The following MBD2 variants were observed in gnomAD, a reference collection of about 807,000 sequenced individuals.
MBD2 encodes methyl-CpG-binding domain protein 2.
Under a neutral mutation model 39.3 loss-of-function variants are expected in MBD2, and 9 were observed. The observed-to-expected ratio is 0.23, with a 90% CI of 0.14 to 0.40. The LOEUF (loss-of-function observed/expected upper bound fraction) is 0.40, where lower values mean the gene tolerates loss of function less well. Among genes scored for constraint, MBD2 ranks in the 10% least tolerant of loss-of-function variants. The pLI, the probability that MBD2 is intolerant of heterozygous loss-of-function variation, is 1.00. For missense variants in MBD2, 458 were observed against 532.6 expected (o/e 0.86, Z 1.38); for synonymous variants, 233 against 211.1 (o/e 1.10, Z -0.90).
chr18:54,189,223 C>CTTT (rs369129707), intron 2 of MBD2, among the ~76,000 whole-genome samples: 19 of 133,938 alleles, frequency 1.4e-4, no homozygotes, highest in Non-Finnish European at 2.5e-4. Flanking sequence ...TTTTTGTATA[C>CTTT]TTTTTTTTTT....
Position 54,164,622 on chromosome 18 carries a change from G to A in MBD2, c.1010C>T (p.Thr337Ile). 6.2e-7 allele frequency: 1 copy of A among 1,614,156 alleles called. No homozygotes were observed. Among genetic ancestry groups the A allele is most frequent in the Non-Finnish European group, 8.5e-7 (1 of 1,180,020 alleles). ...SALHTSSAPI[T>I]GQVSAAVEKN... ...TTCCACAGCAGCGGAGACTTGCCCT[G>A]TGATTGGCGCAGAGCTTGTGTGCAA... Residue 337 changes from threonine to isoleucine, a missense_variant, in exon 5 of 7, where the codon ACA (threonine) becomes ATA (isoleucine). Transcript: ENST00000256429.
At chr18:54,209,832 T>C (rs2086486567) in intron 1 of MBD2, among the ~76,000 whole-genome samples, 1 of 152,192 alleles carries the variant, frequency 6.6e-6, no homozygotes, top group African/African-American at 2.4e-5. Flanking sequence ...ACAAAAAGAC[T>C]GTCACCTAAG....
At chr18:54,211,065 G>A (rs998873545) in intron 1 of MBD2, among the ~76,000 whole-genome samples, 1 of 150,916 alleles carries the variant, frequency 6.6e-6, no homozygotes, top group Non-Finnish European at 1.5e-5. Flanking sequence ...TAGAGACGGG[G>A]TTTCACCGTT....
At chr18:54,207,095 T>C (rs1212856251) in intron 1 of MBD2, among the ~76,000 whole-genome samples, 1 of 152,232 alleles carries the variant, frequency 6.6e-6, no homozygotes, top group Non-Finnish European at 1.5e-5. Flanking sequence ...CTCCTCAATG[T>C]TGACAAAAAA....
intron 1 of MBD2, among the ~76,000 whole-genome samples, chr18:54,223,237 G>A (rs563120833): frequency 1.5e-4 from 23 of 152,314 alleles, no homozygotes; most frequent in African/African-American, 5.5e-4. Context: ...ATTACACTAA[G>A]GTGAAAAACC....
In MBD2 at chr18:54,198,434, G is replaced by C. The variant is rs2086381978; in HGVS notation, c.702+6564C>G. Among the ~76,000 whole-genome samples, 4 of 152,176 alleles carry C rather than the reference G, an allele frequency of 2.6e-5. No homozygotes were observed. In the South Asian group the frequency reaches 8.3e-4, roughly 32 times the overall value. ...AAGCTCTTGGAGAAATGTACACAAG[G>C]CTGGATGCTGTGGCTCACGCCTGTA... On this transcript the variant is annotated intron_variant, in intron 2 of 6. Coordinates refer to ENST00000256429, the MANE Select transcript of MBD2 (RefSeq NM_003927.5).
chr18:54,193,386 TAA>T (rs1225188400), intron 2 of MBD2, among the ~76,000 whole-genome samples: 1 of 152,210 alleles, frequency 6.6e-6, no homozygotes, highest in East Asian at 1.9e-4. Flanking sequence ...ATATCAGAAC[TAA>T]GTTTCCAACC....
intron 6 of MBD2, among the ~76,000 whole-genome samples, chr18:54,155,543 A>G (rs934976986): frequency 6.6e-6 from 1 of 152,190 alleles, no homozygotes; most frequent in African/African-American, 2.4e-5. Context: ...TAATTTTCCA[A>G]AGAAATCATA....
chr18:54,169,926 A>G (rs1448126339), intron 3 of MBD2, among the ~76,000 whole-genome samples: 1 of 152,208 alleles, frequency 6.6e-6, no homozygotes, highest in Admixed American at 6.5e-5. Context: ...GTTACCTTCC[A>G]GTATATTAGA....
chr18:54,209,895 T>C (rs2086487731), intron 1 of MBD2, among the ~76,000 whole-genome samples: 1 of 152,222 alleles, frequency 6.6e-6, no homozygotes, highest in African/African-American at 2.4e-5. Context: ...CCCTCAATAA[T>C]GGCTGCTGTA....
chr18:54,200,592 T>G (rs2144324950), intron 2 of MBD2, among the ~76,000 whole-genome samples: 1 of 152,346 alleles, frequency 6.6e-6, no homozygotes, highest in African/African-American at 2.4e-5. Context: ...CAGTCACATC[T>G]GTGAAACCCT....
At chr18:54,201,987 T>C (rs767030805) in intron 2 of MBD2, among the ~76,000 whole-genome samples, 16 of 152,182 alleles carry the variant, frequency 1.1e-4, no homozygotes, top group Non-Finnish European at 2.1e-4. Context: ...TAAATTATAA[T>C]GTAGCCTGTT....
chr18:54,177,992 A>G (rs1458276783), intron 3 of MBD2, among the ~76,000 whole-genome samples: 2 of 151,760 alleles, frequency 1.3e-5, no homozygotes, highest in East Asian at 3.9e-4. Flanking sequence ...GGCCCACACC[A>G]CTGCGCCAGC....
chr18:54,222,273 T>TA (rs2086621093), intron 1 of MBD2: 1 of 457,422 alleles, frequency 2.2e-6, no homozygotes, highest in Non-Finnish European at 4.3e-6. Context: ...CCTTTTTTTT[T>TA]AATCAGAAGA....
chr18:54,215,803 T>C (rs2086554609), intron 1 of MBD2, among the ~76,000 whole-genome samples: 1 of 146,876 alleles, frequency 6.8e-6, no homozygotes, highest in Non-Finnish European at 1.5e-5. Context: ...CTTTTTTTTT[T>C]TGTTTGTTTG....
Position 54,153,560 on chromosome 18 carries a change from G to C in MBD2, c.*1764C>G, listed in dbSNP as rs1433927022. 1 of 152,150 alleles carries C rather than the reference G, an allele frequency of 6.6e-6. No individual in the cohort carries two copies. The highest frequency in any genetic ancestry group is 1.5e-5 in the Non-Finnish European group (1 of 68,046). The allele number at this position is 152,150 out of a possible 1,614,324, so 9.4% of individuals were successfully genotyped here. A position where few individuals can be genotyped will look rare whatever the true frequency, so the allele number is the denominator to read the frequency against. On this transcript the variant is annotated 3_prime_UTR_variant, in exon 7 of 7. Transcript: ENST00000256429. ...TCTTGGCTGGATTGGTTTGTAAAAA[G>C]AATATATGATCACCAAGGTGAAGTT... is the stretch of plus-strand genomic sequence containing the variant.
At chr18:54,190,198 CAGT>C (rs2086311140) in intron 2 of MBD2, among the ~76,000 whole-genome samples, 1 of 152,080 alleles carries the variant, frequency 6.6e-6, no homozygotes, top group Non-Finnish European at 1.5e-5. Context: ...TTTTAATATA[CAGT>C]AGGTCTTTGA....
rs879816062 is a variant in MBD2 at position 54,202,809 on chromosome 18, G to C, written c.702+2189C>G. ...CCTACCGTGTGCAAAAGCAAAAAAA[G>C]ACATGGTCCCTGCCCTCATGGAGCT... On this transcript the variant is annotated intron_variant, in intron 2 of 6. Coordinates refer to ENST00000256429, the MANE Select transcript of MBD2 (RefSeq NM_003927.5). 8 of 1,553,102 alleles carry C rather than the reference G, an allele frequency of 5.2e-6. No homozygotes were observed. In the African/African-American group the frequency reaches 5.5e-5, roughly 11 times the overall value.
At chr18:54,185,077 G>A (rs2086276436) in intron 3 of MBD2, among the ~76,000 whole-genome samples, 1 of 151,796 alleles carries the variant, frequency 6.6e-6, no homozygotes, top group South Asian at 2.1e-4. Flanking sequence ...TTTAGCAACT[G>A]AAAGCTGATC....
Sources: gnomAD v4.1 joint callset for allele counts (sites outside exome capture counted in the v4.1 genomes callset) on GRCh38, gnomAD v4.1.1 for gene constraint, MANE v1.5 for transcripts, NCBI Gene and HGNC (gene_info 2026-07-23, HGNC 2026-07-21) for gene names.